SKAP1: variants seen among roughly 807,000 people sequenced by gnomAD.
SKAP1 encodes src kinase associated phosphoprotein 1.
In SKAP1, 44 loss-of-function variants were observed where a neutral mutation model predicts 58.5. That is an observed-to-expected ratio of 0.75 (90% CI 0.59 to 0.97). SKAP1 has a LOEUF of 0.97. Among genes scored for constraint, SKAP1 ranks in the 50% least tolerant of loss-of-function variants. SKAP1 has a pLI of 0.00. For synonymous variants in SKAP1, 127 were observed against 149.7 expected (o/e 0.85, Z 1.11); for missense variants, 390 against 435.2 (o/e 0.90, Z 0.92).
chr17:48,341,077 G>A (rs1485250605), intron 4 of SKAP1, among the ~76,000 whole-genome samples: 1 of 152,140 alleles, frequency 6.6e-6, no homozygotes, highest in Non-Finnish European at 1.5e-5. Flanking sequence ...TACTTTACCT[G>A]TAAAATGGGT....
chr17:48,401,517 G>A (rs1357418343), intron 1 of SKAP1, among the ~76,000 whole-genome samples: 1 of 152,098 alleles, frequency 6.6e-6, no homozygotes, highest in African/African-American at 2.4e-5. Context: ...ACAATTAAAT[G>A]TTGAAAAAGT....
chr17:48,234,916 T>G (rs1219991948), intron 4 of SKAP1, among the ~76,000 whole-genome samples: 2 of 152,216 alleles, frequency 1.3e-5, no homozygotes, highest in African/African-American at 4.8e-5. Flanking sequence ...GCCATAAAGC[T>G]TTTAGCCTTG....
chr17:48,170,489 C>G (rs899188741), intron 10 of SKAP1, 120 bp downstream of exon 10: 54 of 860,320 alleles, frequency 6.3e-5, no homozygotes, highest in Admixed American at 1.5e-4. Context: ...GGGGTTCACA[C>G]ACAGGTACCC....
At chr17:48,145,448 T>TA (rs1294301017) in intron 11 of SKAP1, among the ~76,000 whole-genome samples, 1 of 150,108 alleles carries the variant, frequency 6.7e-6, no homozygotes, top group African/African-American at 2.4e-5. Flanking sequence ...AAACCTGCCA[T>TA]AAAAAGAACA....
At chr17:48,180,630 T>G (rs543231081) in intron 8 of SKAP1, among the ~76,000 whole-genome samples, 18 of 152,280 alleles carry the variant, frequency 1.2e-4, no homozygotes, top group African/African-American at 4.3e-4. Flanking sequence ...AGTGAAGGCT[T>G]GCAGTCCTCC....
At chr17:48,307,345 A>G (rs2066157707) in intron 4 of SKAP1, 1 of 152,212 alleles carries the variant, frequency 6.6e-6, no homozygotes, top group Non-Finnish European at 1.5e-5. Flanking sequence ...GAGAAAAGAG[A>G]GAGAAAGGGA....
intron 2 of SKAP1, among the ~76,000 whole-genome samples, chr17:48,365,596 G>A (rs541093221): frequency 6.6e-5 from 10 of 152,178 alleles, no homozygotes; most frequent in Admixed American, 5.2e-4. Flanking sequence ...ATTTTCAAAA[G>A]CACTGTCTAC....
At chr17:48,353,874 G>T (rs571275943) in intron 3 of SKAP1, among the ~76,000 whole-genome samples, 1 of 148,610 alleles carries the variant, frequency 6.7e-6, no homozygotes, top group East Asian at 2.0e-4. Context: ...CTCCAGCCTG[G>T]GTGACAGAGC....
chr17:48,351,505 CAGTGAGTGTAATGGT>C (rs2144350128), intron 3 of SKAP1, among the ~76,000 whole-genome samples: 1 of 152,112 alleles, frequency 6.6e-6, no homozygotes, highest in Non-Finnish European at 1.5e-5. Flanking sequence ...AAAGCCCTGG[CAGTGAGTGTAATGGT>C]ACTGAATGTC....
chr17:48,374,507 A>C (rs1567889135), intron 2 of SKAP1, among the ~76,000 whole-genome samples: 1 of 152,308 alleles, frequency 6.6e-6, no homozygotes, highest in East Asian at 1.9e-4. Context: ...TCCTGCATTG[A>C]AAATGGAATC....
intron 4 of SKAP1, among the ~76,000 whole-genome samples, chr17:48,342,939 C>A: frequency 6.6e-6 from 1 of 151,686 alleles, no homozygotes; most frequent in South Asian, 2.1e-4. Flanking sequence ...GAGCCGAGAT[C>A]CCACCACTGC....
At chr17:48,334,738 A>T (rs1297355872) in intron 4 of SKAP1, among the ~76,000 whole-genome samples, 1 of 151,774 alleles carries the variant, frequency 6.6e-6, no homozygotes, top group East Asian at 1.9e-4. Context: ...GATCATTCCT[A>T]TGTAGATCCA....
chr17:48,443,933 T>G, the SKAP1 span, among the ~76,000 whole-genome samples: 3 of 152,150 alleles, frequency 2.0e-5, no homozygotes, highest in African/African-American at 7.2e-5. Context: ...ATTATTAAAT[T>G]TACTTTATTT....
intron 6 of SKAP1, 50 bp downstream of exon 6, chr17:48,187,793 G>A: frequency 7.7e-7 from 1 of 1,305,486 alleles, no homozygotes; most frequent in Non-Finnish European, 1.1e-6. Context: ...AATTTACGAA[G>A]TGTTTGCATC....
intron 11 of SKAP1, among the ~76,000 whole-genome samples, chr17:48,152,685 G>A (rs948719904): frequency 1.1e-4 from 17 of 152,182 alleles, no homozygotes; most frequent in Admixed American, 1.0e-3. Context: ...AGCCTTCACC[G>A]GTTAGTTTTA....
At chr17:48,176,217 C>T (rs1000971540) in intron 9 of SKAP1, among the ~76,000 whole-genome samples, 2 of 152,156 alleles carry the variant, frequency 1.3e-5, no homozygotes, top group African/African-American at 4.8e-5. Context: ...CCAAAGATGG[C>T]TCGTCATCTC....
intron 4 of SKAP1, among the ~76,000 whole-genome samples, chr17:48,204,958 C>CTTTCTTTTCT (rs1555602803): frequency 1.1e-3 from 137 of 120,792 alleles, no homozygotes; most frequent in Non-Finnish European, 1.7e-3. Context: ...CCTCCTTCCT[C>CTTTCTTTTCT]TTTCTTTTCT....
intron 4 of SKAP1, among the ~76,000 whole-genome samples, chr17:48,287,254 C>T (rs1259650648): frequency 6.6e-6 from 1 of 151,980 alleles, no homozygotes; most frequent in African/African-American, 2.4e-5. Context: ...TTTTCATTAC[C>T]TATAGTCAGC....
rs2064397571 is a variant in SKAP1, at chr17:48,183,465, T to C, written c.568-1008A>G. Among the ~76,000 whole-genome samples, 6 of 152,190 alleles carry C rather than the reference T, an allele frequency of 3.9e-5. No homozygotes were observed. In the South Asian group the frequency reaches 1.2e-3, roughly 31 times the overall value. On this transcript the variant is annotated intron_variant, in intron 7 of 12. Coordinates refer to ENST00000336915, the MANE Select transcript of SKAP1 (RefSeq NM_003726.4). ...TTTAAATGAATCAACTTGAAATAATTGTTCCTGAAAAATATTTTAATTATC... is the reference window on the plus strand; with the variant it reads ...TTTAAATGAATCAACTTGAAATAATCGTTCCTGAAAAATATTTTAATTATC...
Sources: allele counts gnomAD v4.1 joint callset (sites outside exome capture counted in the v4.1 genomes callset), GRCh38; gene constraint gnomAD v4.1.1; transcripts MANE v1.5; gene names NCBI Gene and HGNC (gene_info 2026-07-23, HGNC 2026-07-21).